Variants in MACROD2 observed in about 807,000 individuals in gnomAD.
MACROD2 encodes the protein ADP-ribose glycohydrolase MACROD2.
A neutral mutation model predicts 70.4 loss-of-function variants in MACROD2; 36 were observed. The ratio of observed to expected loss-of-function variants is 0.51; its 90% CI spans 0.39 to 0.68. The LOEUF is 0.68. Among genes scored for constraint, MACROD2 ranks in the 30% least tolerant of loss-of-function variants. MACROD2 has a pLI of 0.00. For synonymous variants in MACROD2, 172 were observed against 178.8 expected (o/e 0.96, Z 0.30); for missense variants, 496 against 538.4 (o/e 0.92, Z 0.78).
In MACROD2 at chr20:14,969,337, A is replaced by G. The variant is rs74840492; in HGVS notation, c.419-260603A>G. On this transcript the variant is annotated intron_variant, in intron 5 of 17. Transcript: ENST00000684519. The stretch of plus-strand genomic sequence containing the variant: ...GGAAAAACTGAATAAAAGTAAAGCA[A>G]TTTAAAAGCTATATAAATGCTTTTA... 1.7e-3 allele frequency among the ~76,000 whole-genome samples: 259 copies of G among 150,054 alleles called. 3 individuals are homozygous for G. In the East Asian group the frequency reaches 0.027, roughly 16 times the overall value.
At chr20:15,390,623 A>G (rs1211908008) in intron 6 of MACROD2, among the ~76,000 whole-genome samples, 3 of 152,142 alleles carry the variant, frequency 2.0e-5, no homozygotes, top group Non-Finnish European at 2.9e-5. Context: ...CTTGATTCCT[A>G]TCCATTACAG....
At chr20:15,858,643 GCTGGTGTGA>G (rs760396455) in intron 8 of MACROD2, among the ~76,000 whole-genome samples, 5 of 152,140 alleles carry the variant, frequency 3.3e-5, no homozygotes, top group Non-Finnish European at 7.3e-5. Flanking sequence ...CCTGTTTCCC[GCTGGTGTGA>G]CATTAGCTGG....
chr20:14,312,412 A>T (rs2082575385), intron 3 of MACROD2, among the ~76,000 whole-genome samples: 1 of 152,194 alleles, frequency 6.6e-6, no homozygotes, highest in African/African-American at 2.4e-5. Flanking sequence ...CATAAGAGAA[A>T]ACTGCTCTCC....
At chr20:14,865,407 TCCTATTA>T (rs919077322) in intron 5 of MACROD2, among the ~76,000 whole-genome samples, 5 of 151,966 alleles carry the variant, frequency 3.3e-5, no homozygotes. Flanking sequence ...TTTTTTTCTC[TCCTATTA>T]CCTATAAACC....
chr20:14,392,424 G>A (rs962511513), intron 3 of MACROD2, among the ~76,000 whole-genome samples: 1 of 152,056 alleles, frequency 6.6e-6, no homozygotes, highest in African/African-American at 2.4e-5. Flanking sequence ...AATTCATTAT[G>A]TAGATCAAAA....
intron 3 of MACROD2, among the ~76,000 whole-genome samples, chr20:14,344,539 G>T (rs1025502834): frequency 1.1e-4 from 16 of 152,058 alleles, no homozygotes; most frequent in Non-Finnish European, 2.4e-4. Flanking sequence ...TTTTTCACTA[G>T]TTTTGTTTGT....
At chr20:15,432,795 G>T (rs1475501765) in intron 7 of MACROD2, among the ~76,000 whole-genome samples, 2 of 151,974 alleles carry the variant, frequency 1.3e-5, no homozygotes, top group Admixed American at 6.6e-5. Context: ...TCAGAGAGTT[G>T]AAGTATGTTT....
At chr20:14,241,110 C>A (rs148576562) in intron 3 of MACROD2, among the ~76,000 whole-genome samples, 2 of 151,238 alleles carry the variant, frequency 1.3e-5, no homozygotes, top group Non-Finnish European at 2.9e-5. Context: ...AGTGAGACTC[C>A]GTCTCAAAAA....
intron 6 of MACROD2, among the ~76,000 whole-genome samples, chr20:15,310,883 A>T (rs1001435496): frequency 6.6e-6 from 1 of 152,212 alleles, no homozygotes; most frequent in Admixed American, 6.5e-5. Context: ...AAAGGAACCC[A>T]TATGTAGTTT....
intron 6 of MACROD2, among the ~76,000 whole-genome samples, chr20:15,307,477 T>C (rs2077709374): frequency 6.6e-6 from 1 of 152,220 alleles, no homozygotes; most frequent in African/African-American, 2.4e-5. Context: ...TATGTTGTTC[T>C]GTCTCCTCTC....
At chr20:14,545,512 AT>A (rs2085482449) in intron 4 of MACROD2, among the ~76,000 whole-genome samples, 1 of 152,154 alleles carries the variant, frequency 6.6e-6, no homozygotes, top group Admixed American at 6.6e-5. Flanking sequence ...TTCCAGTTTA[AT>A]TATGAGATGT....
At chr20:15,876,109 A>ATATATATAGGTATG (rs57817982) in intron 9 of MACROD2, among the ~76,000 whole-genome samples, 2 of 124,442 alleles carry the variant, frequency 1.6e-5, no homozygotes. Context: ...ATATATATAT[A>ATATATATAGGTATG]TATGTGTGTA....
chr20:15,305,431 G>A (rs539270688), intron 6 of MACROD2, among the ~76,000 whole-genome samples: 2 of 152,128 alleles, frequency 1.3e-5, no homozygotes, highest in South Asian at 4.1e-4. Context: ...TGCTAACTAA[G>A]CAACAGTTAA....
intron 8 of MACROD2, among the ~76,000 whole-genome samples, chr20:15,553,799 A>T (rs1449970253): frequency 2.0e-5 from 3 of 152,222 alleles, no homozygotes; most frequent in African/African-American, 7.2e-5. Flanking sequence ...TATTCAAAGA[A>T]TTGCAAAAAA....
At chr20:14,386,917 C>T (rs1205217929) in intron 3 of MACROD2, among the ~76,000 whole-genome samples, 1 of 152,182 alleles carries the variant, frequency 6.6e-6, no homozygotes, top group Non-Finnish European at 1.5e-5. Flanking sequence ...TGGATGACAT[C>T]ACCAGGAGTG....
At chr20:15,207,448 T>TGTTTGTTTG (rs1568637066) in intron 5 of MACROD2, among the ~76,000 whole-genome samples, 3 of 122,020 alleles carry the variant, frequency 2.5e-5, no homozygotes, top group South Asian at 5.3e-4. Context: ...TTTTTTTTTT[T>TGTTTGTTTG]TTTTTTTTTC....
chr20:15,232,156 T>C (rs1040117145), intron 6 of MACROD2, among the ~76,000 whole-genome samples: 12 of 152,102 alleles, frequency 7.9e-5, no homozygotes, highest in African/African-American at 2.6e-4. Context: ...TTGATCACCA[T>C]TAAATAAATA....
chr20:14,579,767 T>C (rs1350625036), intron 4 of MACROD2, among the ~76,000 whole-genome samples: 1 of 152,202 alleles, frequency 6.6e-6, no homozygotes, highest in Admixed American at 6.5e-5. Flanking sequence ...CTTGAATTAA[T>C]ATAAAAGCTT....
At chr20:14,302,786 G>T (rs1264228648) in intron 3 of MACROD2, among the ~76,000 whole-genome samples, 1 of 151,808 alleles carries the variant, frequency 6.6e-6, no homozygotes, top group African/African-American at 2.4e-5. Context: ...TTGAGTAGCT[G>T]GGATTACAGG....
Sources: allele counts gnomAD v4.1 joint callset (sites outside exome capture counted in the v4.1 genomes callset), GRCh38; gene constraint gnomAD v4.1.1; transcripts MANE v1.5; gene names NCBI Gene and HGNC (gene_info 2026-07-23, HGNC 2026-07-21).